EPB41L4A: variants seen among roughly 807,000 people sequenced by gnomAD.
The protein encoded by EPB41L4A is erythrocyte membrane protein band 4.1 like 4A.
EPB41L4A carries 100 observed loss-of-function variants against 108.6 expected under a neutral mutation model. That is an observed-to-expected ratio of 0.92 (90% confidence interval 0.78 to 1.09). EPB41L4A has a LOEUF of 1.09. Ranked by LOEUF, EPB41L4A falls within the 50% of genes least tolerant of loss-of-function variation. The probability of loss-of-function intolerance (pLI) is 0.00; values close to 1 mark genes in which losing one functional copy is unlikely to be tolerated. For missense variants in EPB41L4A, 1,030 were observed against 842.7 expected, an observed-to-expected ratio of 1.22 and a Z score of -2.75; for synonymous variants, 319 against 289.0, an observed-to-expected ratio of 1.10 and a Z score of -1.05.
chr5:112,278,195 T>G (rs1752727551), intron 3 of EPB41L4A, among the ~76,000 whole-genome samples: 1 of 152,212 alleles, frequency 6.6e-6, no homozygotes, highest in South Asian at 2.1e-4. Context: ...GTAAGGATTC[T>G]TCAGTCACTA....
chr5:112,275,445 A>C, intron 3 of EPB41L4A, 41 bp from the exon 4 acceptor site: 2 of 1,492,770 alleles, frequency 1.3e-6, no homozygotes, highest in Non-Finnish European at 1.8e-6. Flanking sequence ...TAAAATCATA[A>C]ATTAGTCAAA....
chr5:112,409,418 G>C (rs1177436169), intron 1 of EPB41L4A, among the ~76,000 whole-genome samples: 1 of 151,748 alleles, frequency 6.6e-6, no homozygotes, highest in East Asian at 1.9e-4. Flanking sequence ...GGTGATGGCT[G>C]CACAATTCCG....
chr5:112,199,204 T>C (rs181556309), intron 15 of EPB41L4A, among the ~76,000 whole-genome samples: 25 of 152,342 alleles, frequency 1.6e-4, no homozygotes, highest in African/African-American at 5.8e-4. Context: ...CTGGGAGATA[T>C]AACCGTTTCA....
intron 1 of EPB41L4A, among the ~76,000 whole-genome samples, chr5:112,364,548 G>A (rs1400094130): frequency 4.6e-5 from 7 of 152,114 alleles, no homozygotes; most frequent in Non-Finnish European, 2.9e-5. Context: ...TATTCTAATG[G>A]AGAAACTCAG....
rs186585186 is a variant in EPB41L4A at position 112,406,248 on chromosome 5, C to T, written c.99+12693G>A. ...GATTGGTCCATCTGAAACCTTTCAA[C>T]GAAAGAGCAATTTTACCTTTCTGCT... On this transcript the variant is annotated intron_variant, in intron 1 of 22. Coordinates refer to ENST00000261486, the MANE Select transcript of EPB41L4A (RefSeq NM_022140.5). 2.8e-3 allele frequency among the ~76,000 whole-genome samples: 419 copies of T among 152,286 alleles called. 1 individual carries two copies. The highest frequency in any genetic ancestry group is 4.1e-3 in the Non-Finnish European group (280 of 68,012).
At position 112,339,542 on chromosome 5, in the gene EPB41L4A, A is replaced by ATT. The variant is rs60186031; in HGVS notation, c.100-32054_100-32053dup. On this transcript the variant is annotated intron_variant, in intron 1 of 22. Coordinates refer to ENST00000261486, the MANE Select transcript of EPB41L4A (RefSeq NM_022140.5). The stretch of plus-strand genomic sequence containing the variant: ...TAGATATATATCTATATATATATAT[A>ATT]TTTTTTTTTTAGACAGAGTCTCATT... Among the ~76,000 whole-genome samples the ATT allele has an allele frequency of 3.0e-3, 336 of 110,610 alleles. 2 individuals carry two copies. Among genetic ancestry groups the ATT allele is most frequent in the African/African-American group, 9.4e-3 (321 of 34,144 alleles). 72.6% of individuals were successfully genotyped at this position (110,610 alleles called of 152,430 possible). A position where few individuals can be genotyped will look rare whatever the true frequency, so the allele number is the denominator to read the frequency against.
intron 2 of EPB41L4A, among the ~76,000 whole-genome samples, chr5:112,293,623 G>A (rs543708943): frequency 5.9e-5 from 9 of 152,288 alleles, no homozygotes; most frequent in South Asian, 4.1e-4. Context: ...TTCAAGAGCC[G>A]TTTTTGAGTC....
chr5:112,157,618 G>A (rs1318305804), intron 12 of EPB41L4A, among the ~76,000 whole-genome samples: 1 of 152,156 alleles, frequency 6.6e-6, no homozygotes, highest in African/African-American at 2.4e-5. Context: ...GCCAGCAATG[G>A]AGGGTTGAGC....
chr5:112,311,695 G>C (rs1213177085), intron 1 of EPB41L4A, among the ~76,000 whole-genome samples: 1 of 152,188 alleles, frequency 6.6e-6, no homozygotes, highest in Non-Finnish European at 1.5e-5. Flanking sequence ...GCGACAGAGT[G>C]AGTGAGACTC....
At chr5:112,219,290 TC>T (rs1353460736) in intron 12 of EPB41L4A, among the ~76,000 whole-genome samples, 4 of 152,132 alleles carry the variant, frequency 2.6e-5, no homozygotes, top group African/African-American at 9.7e-5. Flanking sequence ...GAGTGAACTC[TC>T]ACAAGAGCTG....
chr5:112,333,284 G>C (rs1321698455), intron 1 of EPB41L4A, among the ~76,000 whole-genome samples: 2 of 151,908 alleles, frequency 1.3e-5, no homozygotes, highest in Non-Finnish European at 2.9e-5. Flanking sequence ...AATATATTGG[G>C]GGGTGGGAGA....
chr5:112,405,035 CATACCCT>C, intron 1 of EPB41L4A, among the ~76,000 whole-genome samples: 1 of 152,208 alleles, frequency 6.6e-6, no homozygotes, highest in African/African-American at 2.4e-5. Context: ...CCCTTGTTTT[CATACCCT>C]TGTTTAGTCC....
downstream of EPB41L4A, among the ~76,000 whole-genome samples, chr5:112,158,834 T>C (rs947600958): frequency 6.6e-6 from 1 of 152,064 alleles, no homozygotes; most frequent in African/African-American, 2.4e-5. Context: ...CTGGGGAGTA[T>C]GGGAACTACA....
intron 18 of EPB41L4A, among the ~76,000 whole-genome samples, chr5:112,179,578 T>G (rs1430689070): frequency 1.3e-5 from 2 of 152,170 alleles, no homozygotes; most frequent in African/African-American, 2.4e-5. Flanking sequence ...ATATAACAAC[T>G]ATCTCAACAG....
At chr5:112,387,998 G>A (rs1760674892) in intron 1 of EPB41L4A, among the ~76,000 whole-genome samples, 1 of 152,164 alleles carries the variant, frequency 6.6e-6, no homozygotes, top group Admixed American at 6.5e-5. Flanking sequence ...CACTGTAGGA[G>A]GACTGACAGA....
intron 1 of EPB41L4A, among the ~76,000 whole-genome samples, chr5:112,386,350 T>C (rs1469613419): frequency 6.6e-6 from 1 of 152,212 alleles, no homozygotes; most frequent in Non-Finnish European, 1.5e-5. Context: ...ACATCAAACC[T>C]TCATTAATAA....
intron 9 of EPB41L4A, chr5:112,257,217 G>C (rs1286822521): frequency 6.6e-6 from 1 of 152,132 alleles, no homozygotes; most frequent in Non-Finnish European, 1.5e-5. Context: ...TGGAGAAAGA[G>C]AAAAGACCAC....
intron 15 of EPB41L4A, among the ~76,000 whole-genome samples, chr5:112,199,712 C>T (rs533433880): frequency 5.3e-5 from 8 of 152,270 alleles, no homozygotes; most frequent in Admixed American, 2.0e-4. Flanking sequence ...TCTACTTCTA[C>T]GCAACACATC....
In EPB41L4A at chr5:112,419,129, T is replaced by C; in HGVS notation, c.-90A>G. ...ACTCAAGCGCGATGCATTAATTTAT[T>C]GTCCGCGCCGTGGCGAGGGTGAGAC... On this transcript the variant is annotated 5_prime_UTR_variant, in exon 1 of 23. Transcript: ENST00000261486. 1.0e-6 allele frequency: 1 copy of C among 974,070 alleles called. No homozygotes were observed. Among genetic ancestry groups the C allele is most frequent in the Non-Finnish European group, 1.6e-6 (1 of 621,664 alleles). The allele number at this position is 974,070 out of a possible 1,614,324, so 60.3% of individuals were successfully genotyped here.
Sources: gnomAD v4.1 joint callset for allele counts (sites outside exome capture counted in the v4.1 genomes callset) on GRCh38, gnomAD v4.1.1 for gene constraint, MANE v1.5 for transcripts, NCBI Gene and HGNC (gene_info 2026-07-23, HGNC 2026-07-21) for gene names.